Variants in SNAPC4 observed in about 807,000 individuals in gnomAD.
SNAPC4 encodes small nuclear RNA activating complex polypeptide 4, also known as snRNA-activating protein complex subunit 4.
SNAPC4 carries 127 observed loss-of-function variants against 151.3 expected under a neutral mutation model. The observed-to-expected ratio is 0.84, with a 90% CI of 0.73 to 0.97. The LOEUF is 0.97. Ranked by LOEUF, SNAPC4 falls within the 50% of genes least tolerant of loss-of-function variation. SNAPC4 has a pLI of 0.00. For synonymous variants in SNAPC4, 1,002 were observed against 824.4 expected (o/e 1.22, Z -3.69); for missense variants, 2,186 against 1,935.0 (o/e 1.13, Z -2.43).
At chr9:136,391,708 G>A (rs1004333244) in intron 10 of SNAPC4, among the ~76,000 whole-genome samples, 39 of 152,354 alleles carry the variant, frequency 2.6e-4, no homozygotes, top group Admixed American at 1.4e-3. Flanking sequence ...GGCATGCACC[G>A]CTGCATGGGG....
Position 136,381,848 on chromosome 9 carries a change from TCTGGGAAGCCTGTGTGCAGG to T in SNAPC4, c.2273_2292del (p.Pro758GlnfsTer275). ...CCTTGAGTCTGCACTACGGCGGGTC[TCTGGGAAGCCTGTGTGCAGG>T]GCACGACAACGTCCCCTACCCAAGG... On this transcript the variant is annotated frameshift_variant, in exon 18 of 24. Transcript: ENST00000684778. LOFTEE classifies it high-confidence loss of function. 6.2e-7 allele frequency: 1 copy of T among 1,610,522 alleles called. No homozygotes were observed. The highest frequency in any genetic ancestry group is 8.5e-7 in the Non-Finnish European group (1 of 1,178,646).
chr9:136,386,132 T>C (rs1347929240), intron 13 of SNAPC4, among the ~76,000 whole-genome samples: 1 of 149,500 alleles, frequency 6.7e-6, no homozygotes, highest in Non-Finnish European at 1.5e-5. Flanking sequence ...TCGACATCCT[T>C]GCCAACACGG....
Position 136,383,805 on chromosome 9 carries a change from G to A in SNAPC4, c.1501-137C>T. 1.5e-6 allele frequency: 2 copies of A among 1,360,516 alleles called. No individual in the cohort carries two copies. The highest frequency in any genetic ancestry group is 1.3e-5 in the South Asian group (1 of 77,696). 84.3% of individuals were successfully genotyped at this position (1,360,516 alleles called of 1,614,324 possible). On this transcript the variant is annotated intron_variant, in intron 15 of 23. Transcript: ENST00000684778. The surrounding 1 kb of genome is among the most constrained non-coding windows in gnomAD (Gnocchi z 4.2). ...CAAGAGCAGCCGCTGCCGAGGCAGGGTCTCCCTTTGCCCTTGGCCACCCAG... is the reference window on the plus strand; with the variant it reads ...CAAGAGCAGCCGCTGCCGAGGCAGGATCTCCCTTTGCCCTTGGCCACCCAG...
Position 136,383,381 on chromosome 9 carries a change from G to A in SNAPC4, c.1788C>T (p.Ala596=). Residue 596 remains alanine, a synonymous_variant, in exon 16 of 24, where the codon GCC becomes GCT. Transcript: ENST00000684778. This position sits in a 1 kb window ranked among gnomAD's most constrained non-coding sequence, Gnocchi z 4.2. ...GAGAWLGGPA[A]SLSPPKGSSA... ...TGGACCCCTTGGGAGGGCTGAGGGA[G>A]GCAGCGGGGCCTCCCAGCCAGGCCC... 1.9e-6 allele frequency: 3 copies of A among 1,593,516 alleles called. No homozygotes were observed. The highest frequency in any genetic ancestry group is 2.6e-6 in the Non-Finnish European group (3 of 1,170,232).
At chr9:136,391,556 G>A (rs541086956) in intron 10 of SNAPC4, among the ~76,000 whole-genome samples, 367 of 91,834 alleles carry the variant, frequency 4.0e-3, no homozygotes, top group Non-Finnish European at 7.5e-3. Context: ...AAAGAACTGA[G>A]TCCTTACTCA....
chr9:136,394,434 A>G (rs957987033), intron 6 of SNAPC4, 104 bp from the exon 7 acceptor site: 30 of 974,376 alleles, frequency 3.1e-5, no homozygotes, highest in Non-Finnish European at 4.8e-5. Context: ...GGGGCCCCAC[A>G]GCGAGTAAGC....
intron 18 of SNAPC4, 104 bp from the exon 19 acceptor site, chr9:136,381,496 T>G: frequency 2.8e-6 from 3 of 1,078,944 alleles, no homozygotes; most frequent in Non-Finnish European, 2.8e-6. Flanking sequence ...GAGGCGGCTC[T>G]GGGAGCCAGG....
intron 14 of SNAPC4, 31 bp downstream of exon 14, chr9:136,384,689 A>G (rs1833828100): frequency 1.8e-6 from 2 of 1,121,760 alleles, no homozygotes; most frequent in Non-Finnish European, 1.3e-6. Flanking sequence ...CAAAAAAAAG[A>G]AACTAGAAGA....
chr9:136,399,206 C>T (rs1834371092), intron 1 of SNAPC4, among the ~76,000 whole-genome samples: 1 of 152,214 alleles, frequency 6.6e-6, no homozygotes, highest in African/African-American at 2.4e-5. Flanking sequence ...CAAAGAGAAA[C>T]GCCCTCCCCC....
At chr9:136,376,261 A>T (rs1207919058) in intron 23 of SNAPC4, 88 bp downstream of exon 23, 1 of 1,497,842 alleles carries the variant, frequency 6.7e-7, no homozygotes, top group East Asian at 2.3e-5. Flanking sequence ...AGCGCCAAAG[A>T]GCCGAGCAGA....
chr9:136,375,863 G>C (rs1022672531), intron 23 of SNAPC4, 63 bp from the exon 24 acceptor site: 1 of 152,952 alleles, frequency 6.5e-6, no homozygotes, highest in Non-Finnish European at 1.5e-5. Context: ...AAGCAGGGCT[G>C]GGACAGACAA....
intron 2 of SNAPC4, 132 bp downstream of exon 2, chr9:136,398,167 G>T: frequency 1.2e-6 from 1 of 835,430 alleles, no homozygotes; most frequent in Non-Finnish European, 1.8e-6. Flanking sequence ...CTCAGCCTCA[G>T]GAGTCCCTGG....
At chr9:136,397,172 C>T (rs1023634081) in intron 2 of SNAPC4, 149 bp from the exon 3 acceptor site, 4 of 738,410 alleles carry the variant, frequency 5.4e-6, no homozygotes, top group Non-Finnish European at 9.8e-6. Flanking sequence ...ACCTTCCCTC[C>T]CTGACAGCGG....
At chr9:136,386,298 G>A (rs923880892) in intron 13 of SNAPC4, among the ~76,000 whole-genome samples, 2 of 152,026 alleles carry the variant, frequency 1.3e-5, no homozygotes, top group Admixed American at 6.6e-5. Context: ...TTCTTTGCCC[G>A]CGATTAGATT....
chr9:136,397,229 G>A (rs1421685844), intron 2 of SNAPC4, among the ~76,000 whole-genome samples: 2 of 152,156 alleles, frequency 1.3e-5, no homozygotes, highest in African/African-American at 2.4e-5. Flanking sequence ...AGAAAACTCT[G>A]ACCACACACT....
rs138120862 is a variant in SNAPC4 at position 136,378,947 on chromosome 9, T to C, written c.2880A>G (p.Ala960=). 1.9e-6 allele frequency: 3 copies of C among 1,609,980 alleles called. No individual in the cohort carries two copies. The African/African-American group carries it at 4.0e-5, about 21-fold the overall frequency. ...AGGAGCCAGAAGTGCCAGGTTTGGC[T>C]GCCGCGGGGGCCCCAGGCCCAGAGA... The part of the protein sequence containing the change: ...VPLSGPGAPA[A]AKPGTSGSWQ... Residue 960 remains alanine (A), a synonymous_variant, in exon 22 of 24, where the codon GCA becomes GCG. Transcript: ENST00000684778.
rs1833809701 is a variant in SNAPC4, at chr9:136,384,128, G to T, written c.1421-96C>A. 35 of 981,168 alleles carry T rather than the reference G, an allele frequency of 3.6e-5. No individual in the cohort carries two copies. The South Asian group carries it at 4.8e-4, about 14-fold the overall frequency. The allele number at this position is 981,168 out of a possible 1,614,324, so 60.8% of individuals were successfully genotyped here. On this transcript the variant is annotated intron_variant, in intron 14 of 23. Coordinates refer to ENST00000684778, the MANE Select transcript of SNAPC4 (RefSeq NM_003086.4). Reference sequence around the variant, plus strand: ...CAGGAGACTCGCCGTGGCCCCATCAGAGTGGAGCCTCCTGTGCACTCTCAC... The same window carrying T: ...CAGGAGACTCGCCGTGGCCCCATCATAGTGGAGCCTCCTGTGCACTCTCAC...
In SNAPC4 at chr9:136,388,609, A is replaced by T. The variant is rs1833970340; in HGVS notation, c.976-18T>A. 2 of 1,613,674 alleles carry T rather than the reference A, an allele frequency of 1.2e-6. No individual in the cohort carries two copies. The highest frequency in any genetic ancestry group is 2.7e-5 in the African/African-American group (2 of 74,928). Reference sequence around the variant, plus strand: ...CGGCTGGTCTTCCCAGGCCCAAACAAAAGCAAATGAGTGTTACTGCGCGGC... The same window carrying T: ...CGGCTGGTCTTCCCAGGCCCAAACATAAGCAAATGAGTGTTACTGCGCGGC... On this transcript the variant is annotated intron_variant, in intron 10 of 23. Coordinates refer to ENST00000684778, the MANE Select transcript of SNAPC4 (RefSeq NM_003086.4).
chr9:136,382,869 CGAG>C (rs928898792), intron 16 of SNAPC4, among the ~76,000 whole-genome samples: 1 of 152,136 alleles, frequency 6.6e-6, no homozygotes, highest in Admixed American at 6.5e-5. Context: ...CACAGGCTCA[CGAG>C]GAGGGAGGAG....
Sources: allele counts gnomAD v4.1 joint callset (sites outside exome capture counted in the v4.1 genomes callset), GRCh38; gene constraint gnomAD v4.1.1; non-coding constraint Gnocchi (gnomAD v3.1); transcripts MANE v1.5; gene names NCBI Gene and HGNC (gene_info 2026-07-23, HGNC 2026-07-21).